TAF11: variants seen among roughly 807,000 people sequenced by gnomAD.
The protein encoded by TAF11 is TATA-box binding protein associated factor 11.
A neutral mutation model predicts 23.0 loss-of-function variants in TAF11; 10 were observed. The ratio of observed to expected loss-of-function variants is 0.43; its 90% CI spans 0.27 to 0.74. TAF11 has a LOEUF of 0.74. Ranked by LOEUF, TAF11 falls within the 30% of genes least tolerant of loss-of-function variation. The probability of loss-of-function intolerance (pLI) is 0.19; values close to 1 mark genes in which losing one functional copy is unlikely to be tolerated. For synonymous variants in TAF11, 85 were observed against 95.8 expected (o/e 0.89, Z 0.66); for missense variants, 196 against 261.7 (o/e 0.75, Z 1.73).
intron 1 of TAF11, among the ~76,000 whole-genome samples, chr6:34,885,567 T>C (rs146918260): frequency 5.6e-4 from 85 of 152,326 alleles, no homozygotes; most frequent in African/African-American, 1.9e-3. Context: ...TTAAAAGTGT[T>C]TCAGAAACAA....
intron 2 of TAF11, among the ~76,000 whole-genome samples, chr6:34,882,619 G>A (rs1581641222): frequency 1.3e-5 from 2 of 151,762 alleles, no homozygotes; most frequent in East Asian, 3.9e-4. Context: ...ACTCCAGCCT[G>A]GGCGACACAG....
At chr6:34,886,055 G>C (rs551232995) in intron 1 of TAF11, among the ~76,000 whole-genome samples, 2 of 152,354 alleles carry the variant, frequency 1.3e-5, no homozygotes, top group East Asian at 3.9e-4. Context: ...TTGAGCCTGA[G>C]AGGCGGAGGT....
intron 1 of TAF11, among the ~76,000 whole-genome samples, chr6:34,887,249 C>A (rs2127433932): frequency 6.6e-6 from 1 of 152,176 alleles, no homozygotes; most frequent in East Asian, 1.9e-4. Context: ...TTGCAGTGGG[C>A]CAGAGATCGC....
chr6:34,882,658 TAAA>T (rs1187199599), intron 2 of TAF11, among the ~76,000 whole-genome samples: 6 of 144,342 alleles, frequency 4.2e-5, no homozygotes, highest in African/African-American at 1.5e-4. Flanking sequence ...AAATAAAAAA[TAAA>T]AAAAAAAACA....
In TAF11 at chr6:34,883,010, G is replaced by A. The variant is rs369147982; in HGVS notation, c.242C>T (p.Ala81Val). Reference protein sequence around the residue: ...REDSSLLNPAAKKLKIDTKEK... With the variant: ...REDSSLLNPAVKKLKIDTKEK... ...TTTGGTATCTATTTTCAGTTTTTTG[G>A]CTGCAGGATTAAGTAATGATGAGTC... The change falls in exon 2 of 5, where the codon GCC (alanine) becomes GTC (valine). Residue 81 changes from alanine (A) to valine (V), a missense_variant. Transcript: ENST00000361288. The A allele has an allele frequency of 2.5e-6, 4 of 1,610,322 alleles. No homozygotes were observed. The African/African-American group carries it at 5.4e-5, about 22-fold the overall frequency.
intron 1 of TAF11, among the ~76,000 whole-genome samples, chr6:34,885,749 G>A (rs1766514431): frequency 6.6e-6 from 1 of 152,188 alleles, no homozygotes; most frequent in African/African-American, 2.4e-5. Context: ...TGAGGCAGGA[G>A]GATTGCTTGA....
At position 34,888,034 on chromosome 6, in the gene TAF11, C is replaced by A. The variant is rs1766576054; in HGVS notation, c.-77G>T. 2 of 1,574,856 alleles carry A rather than the reference C, an allele frequency of 1.3e-6. No homozygotes were observed. The highest frequency in any genetic ancestry group is 1.7e-6 in the Non-Finnish European group (2 of 1,162,536). On this transcript the variant is annotated 5_prime_UTR_variant, in exon 1 of 5. Coordinates refer to ENST00000361288, the MANE Select transcript of TAF11 (RefSeq NM_005643.4). Reference sequence around the variant, plus strand: ...GCTCGGAAACCCGAGCTGCACAGGCCAGGATCTTACTTCCTGTCGTCGCGC... The same window carrying A: ...GCTCGGAAACCCGAGCTGCACAGGCAAGGATCTTACTTCCTGTCGTCGCGC...
Position 34,879,345 on chromosome 6 carries a change from T to G in TAF11, c.505+622A>C, listed in dbSNP as rs919443035. The G allele has an allele frequency of 9.5e-5, 91 of 956,568 alleles. No individual in the cohort carries two copies. The African/African-American group carries it at 1.6e-3, about 16-fold the overall frequency. The allele number at this position is 956,568 out of a possible 1,614,324, so 59.3% of individuals were successfully genotyped here. ...TTGTAGTGAGCTATGATCACACCAC[T>G]GTTACCATCTCATTTTGTATACCAT... is the stretch of plus-strand genomic sequence containing the variant. On this transcript the variant is annotated intron_variant, in intron 4 of 4. Coordinates refer to ENST00000361288, the MANE Select transcript of TAF11 (RefSeq NM_005643.4).
chr6:34,882,793 C>T, intron 2 of TAF11, 139 bp downstream of exon 2: 1 of 1,076,714 alleles, frequency 9.3e-7, no homozygotes, highest in Non-Finnish European at 1.3e-6. Flanking sequence ...GCGTGAGCCA[C>T]CATGCCCAGC....
In TAF11 at chr6:34,879,967, C is replaced by T. The variant is rs1174691661; in HGVS notation, c.505G>A (p.Ala169Thr). The T allele has an allele frequency of 1.9e-6, 3 of 1,613,494 alleles. No homozygotes were observed. Among genetic ancestry groups the T allele is most frequent in the Admixed American group, 1.7e-5 (1 of 59,972 alleles). Reference protein sequence around the residue: ...KVFVGEVVEEALDVCEKWGEM... With the variant: ...KVFVGEVVEETLDVCEKWGEM... The stretch of plus-strand genomic sequence containing the variant: ...AGTATTTGTAACCAACACTACTCAC[C>T]TTCTTCTACCACCTCCCCGACGAAA... The change falls in exon 4 of 5, where the codon GCA becomes ACA. Residue 169 changes from alanine to threonine, a missense_variant and splice_region_variant. Ala to Thr is a moderately conservative substitution (Grantham distance 58). Coordinates refer to ENST00000361288, the MANE Select transcript of TAF11 (RefSeq NM_005643.4).
chr6:34,879,061 CA>C (rs776754068), intron 4 of TAF11, among the ~76,000 whole-genome samples: 1 of 151,980 alleles, frequency 6.6e-6, no homozygotes, highest in East Asian at 1.9e-4. Flanking sequence ...AAAAGTTAGC[CA>C]GGGGTGGTGG....
chr6:34,883,121 T>C (rs764256370), intron 1 of TAF11, 41 bp from the exon 2 acceptor site: 2 of 1,581,120 alleles, frequency 1.3e-6, no homozygotes, highest in Non-Finnish European at 1.7e-6. Flanking sequence ...TTTGGCCTAC[T>C]TTCCAGGCTT....
Position 34,880,508 on chromosome 6 carries a change from G to A in TAF11, c.321-132C>T. On this transcript the variant is annotated intron_variant, in intron 2 of 4. Transcript: ENST00000361288. The surrounding 1 kb of genome is among the most constrained non-coding windows in gnomAD (Gnocchi z 4.8). ...TCAATGGCATTAGGCTTGGTGCCTT[G>A]AGGAATGAAGATAAAACACTTCTAC... 1.4e-6 allele frequency: 1 copy of A among 712,130 alleles called. No individual in the cohort carries two copies. Among genetic ancestry groups the A allele is most frequent in the East Asian group, 2.7e-5 (1 of 36,456 alleles). The allele number at this position is 712,130 out of a possible 1,614,324, so 44.1% of individuals were successfully genotyped here.
chr6:34,878,826 G>C, intron 4 of TAF11, 106 bp from the exon 5 acceptor site: 1 of 973,244 alleles, frequency 1.0e-6, no homozygotes, highest in Non-Finnish European at 1.6e-6. Flanking sequence ...AGCTTGCTAA[G>C]GAAATAAACA....
intron 2 of TAF11, 100 bp downstream of exon 2, chr6:34,882,832 T>C: frequency 7.2e-7 from 1 of 1,381,376 alleles, no homozygotes; most frequent in East Asian, 2.5e-5. Flanking sequence ...TTATTTTCTT[T>C]TGAGTTTATA....
In TAF11 at chr6:34,880,507, T is replaced by C. The variant is rs1766404905; in HGVS notation, c.321-131A>G. 2.7e-6 allele frequency: 2 copies of C among 735,922 alleles called. No homozygotes were observed. Among genetic ancestry groups the C allele is most frequent in the Non-Finnish European group, 4.4e-6 (2 of 456,276 alleles). 45.6% of individuals were successfully genotyped at this position (735,922 alleles called of 1,614,324 possible). On this transcript the variant is annotated intron_variant, in intron 2 of 4. Coordinates refer to ENST00000361288, the MANE Select transcript of TAF11 (RefSeq NM_005643.4). The surrounding 1 kb of genome is among the most constrained non-coding windows in gnomAD (Gnocchi z 4.8). Reference sequence around the variant, plus strand: ...GTCAATGGCATTAGGCTTGGTGCCTTGAGGAATGAAGATAAAACACTTCTA... The same window carrying C: ...GTCAATGGCATTAGGCTTGGTGCCTCGAGGAATGAAGATAAAACACTTCTA...
At chr6:34,883,707 A>G (rs1193539468) in intron 1 of TAF11, among the ~76,000 whole-genome samples, 1 of 152,146 alleles carries the variant, frequency 6.6e-6, no homozygotes, top group East Asian at 1.9e-4. Context: ...ATTTAATGCA[A>G]TTTTACTTAT....
intron 1 of TAF11, among the ~76,000 whole-genome samples, chr6:34,886,474 C>CTT (rs1022482118): frequency 6.8e-6 from 1 of 147,300 alleles, no homozygotes; most frequent in South Asian, 2.1e-4. Flanking sequence ...CTTTTCTTTT[C>CTT]TTTTTTTTTT....
At chr6:34,881,940 C>T (rs2127432271) in intron 2 of TAF11, among the ~76,000 whole-genome samples, 1 of 151,434 alleles carries the variant, frequency 6.6e-6, no homozygotes, top group African/African-American at 2.4e-5. Flanking sequence ...TCAAGTGATC[C>T]ACCCGCCTCA....
Sources: gnomAD v4.1 joint callset for allele counts (sites outside exome capture counted in the v4.1 genomes callset) on GRCh38, gnomAD v4.1.1 for gene constraint, Gnocchi (gnomAD v3.1) non-coding constraint, MANE v1.5 for transcripts, NCBI Gene and HGNC (gene_info 2026-07-23, HGNC 2026-07-21) for gene names.